Variants in KCNU1 observed in about 807,000 individuals in gnomAD.
KCNU1 encodes the protein potassium calcium-activated channel subfamily U member 1, also known as potassium channel subfamily U member 1.
Under a neutral mutation model 126.8 loss-of-function variants are expected in KCNU1, and 93 were observed. The observed-to-expected ratio is 0.73, with a 90% CI of 0.62 to 0.87. The LOEUF (loss-of-function observed/expected upper bound fraction) is 0.87. Ranked by LOEUF, KCNU1 falls within the 40% of genes least tolerant of loss-of-function variation. The probability of loss-of-function intolerance (pLI) is 0.00; values close to 1 mark genes in which losing one functional copy is unlikely to be tolerated. For missense variants in KCNU1, 1,330 were observed against 1,367.1 expected (o/e 0.97, Z 0.43); for synonymous variants, 523 against 494.2 (o/e 1.06, Z -0.77).
chr8:36,871,741 T>C (rs1806111146), intron 19 of KCNU1, among the ~76,000 whole-genome samples: 1 of 152,162 alleles, frequency 6.6e-6, no homozygotes, highest in Admixed American at 6.6e-5. Context: ...GGCTGGGTGC[T>C]AAGATGAGGA....
intron 12 of KCNU1, among the ~76,000 whole-genome samples, chr8:36,835,497 A>G (rs1376776472): frequency 6.6e-6 from 1 of 151,938 alleles, no homozygotes; most frequent in African/African-American, 2.4e-5. Flanking sequence ...ATGTGCCACC[A>G]CGCCAGACTA....
intron 24 of KCNU1, among the ~76,000 whole-genome samples, chr8:36,924,084 A>G (rs1457032524): frequency 6.6e-6 from 1 of 152,202 alleles, no homozygotes; most frequent in East Asian, 1.9e-4. Flanking sequence ...TCTACAGAGT[A>G]CACCCCAGGG....
chr8:36,897,388 T>G (rs1807239362), intron 19 of KCNU1, among the ~76,000 whole-genome samples: 1 of 152,138 alleles, frequency 6.6e-6, no homozygotes, highest in East Asian at 1.9e-4. Flanking sequence ...TACAAGGAAA[T>G]AAATGACTTC....
Position 36,799,084 on chromosome 8 carries a change from C to T in KCNU1, c.316-4943C>T, listed in dbSNP as rs578161304. 2.0e-5 allele frequency among the ~76,000 whole-genome samples: 3 copies of T among 152,206 alleles called. 1 individual carries two copies. The highest frequency in any genetic ancestry group is 4.1e-4 in the South Asian group (2 of 4,822). On this transcript the variant is annotated intron_variant, in intron 2 of 26. Coordinates refer to ENST00000399881, the MANE Select transcript of KCNU1 (RefSeq NM_001031836.3). ...GCAGAAGCTCACAGTTAGTTATGCCCGTGTTCCTCTTTCTGCCTTTCTGAT... is the reference window on the plus strand; with the variant it reads ...GCAGAAGCTCACAGTTAGTTATGCCTGTGTTCCTCTTTCTGCCTTTCTGAT...
chr8:36,928,337 C>A (rs1808594341), intron 24 of KCNU1, among the ~76,000 whole-genome samples: 1 of 152,044 alleles, frequency 6.6e-6, no homozygotes, highest in East Asian at 1.9e-4. Flanking sequence ...ATTCTAATGG[C>A]ATTATGTTCG....
chr8:36,847,378 C>T (rs1403908897), intron 18 of KCNU1, among the ~76,000 whole-genome samples: 2 of 152,052 alleles, frequency 1.3e-5, no homozygotes, highest in African/African-American at 2.4e-5. Context: ...CATTCAAAAT[C>T]CTCCCTTTTA....
At chr8:36,905,604 T>C (rs1807593022) in intron 19 of KCNU1, 104 bp from the exon 20 acceptor site, 5 of 742,858 alleles carry the variant, frequency 6.7e-6, no homozygotes, top group Middle Eastern at 4.8e-4. Context: ...CTACTTATGC[T>C]ATTCTCCTCT....
At chr8:36,894,427 G>A (rs141914808) in intron 19 of KCNU1, among the ~76,000 whole-genome samples, 22 of 152,216 alleles carry the variant, frequency 1.4e-4, no homozygotes, top group African/African-American at 5.3e-4. Flanking sequence ...CAATTAAATT[G>A]TGTTTGATTG....
In KCNU1 at chr8:36,784,458, A is replaced by G; in HGVS notation, c.48A>G (p.Lys16=). 6.2e-7 allele frequency: 1 copy of G among 1,613,692 alleles called. No individual in the cohort carries two copies. The highest frequency in any genetic ancestry group is 8.5e-7 in the Non-Finnish European group (1 of 1,179,784). ...ATGAAACTTGGGAAGACTTGCCAAA[A>G]ATGTCCTGCACAACTGAGATCCAAG... ...LRNETWEDLP[K]MSCTTEIQAA... is the part of the protein sequence containing the mutation. Residue 16 remains lysine (K), a synonymous_variant, in exon 1 of 27, where the codon AAA becomes AAG. Coordinates refer to ENST00000399881, the MANE Select transcript of KCNU1 (RefSeq NM_001031836.3).
intron 19 of KCNU1, among the ~76,000 whole-genome samples, chr8:36,899,313 T>G (rs1807324147): frequency 1.3e-5 from 2 of 151,916 alleles, no homozygotes; most frequent in Admixed American, 1.3e-4. Context: ...TTCGTGGAGA[T>G]TTTAGATTGT....
chr8:36,844,781 A>G (rs1352843845), intron 16 of KCNU1, among the ~76,000 whole-genome samples: 1 of 152,196 alleles, frequency 6.6e-6, no homozygotes, highest in African/African-American at 2.4e-5. Flanking sequence ...AGGAAAGGAG[A>G]ACTTCCGTTC....
chr8:36,895,328 C>T (rs1807145693), intron 19 of KCNU1, among the ~76,000 whole-genome samples: 1 of 152,072 alleles, frequency 6.6e-6, no homozygotes, highest in Non-Finnish European at 1.5e-5. Flanking sequence ...ATCTGCCCCC[C>T]TCAGCCTCCC....
chr8:36,913,180 T>G (rs1166887247), intron 22 of KCNU1, among the ~76,000 whole-genome samples: 4 of 152,070 alleles, frequency 2.6e-5, no homozygotes, highest in Non-Finnish European at 4.4e-5. Context: ...CTAGTGATTT[T>G]CCTACTTTAT....
rs1806294419 is a variant in KCNU1, at chr8:36,876,830, C to T, written c.2009+12309C>T. On this transcript the variant is annotated intron_variant, in intron 19 of 26. Coordinates refer to ENST00000399881, the MANE Select transcript of KCNU1 (RefSeq NM_001031836.3). ...CAGGGGATAAGAGGCTTCTTCAAAC[C>T]CTTGTCTAATAATATACGCCCTGGC... Among the ~76,000 whole-genome samples, 5 of 152,076 alleles carry T rather than the reference C, an allele frequency of 3.3e-5. No homozygotes were observed. The South Asian group carries it at 1.0e-3, about 32-fold the overall frequency.
intron 18 of KCNU1, among the ~76,000 whole-genome samples, chr8:36,861,869 G>T (rs977180134): frequency 6.6e-6 from 1 of 152,136 alleles, no homozygotes; most frequent in Non-Finnish European, 1.5e-5. Context: ...GGAAAGATTT[G>T]CTTGTTGCTT....
intron 19 of KCNU1, among the ~76,000 whole-genome samples, chr8:36,892,503 C>A (rs1471107434): frequency 8.9e-6 from 1 of 112,332 alleles, no homozygotes; most frequent in East Asian, 3.3e-4. Context: ...CCCCCACCCC[C>A]CACCAGGTAT....
At chr8:36,836,521 A>C (rs553425135) in intron 13 of KCNU1, among the ~76,000 whole-genome samples, 156 bp downstream of exon 13, 9 of 152,264 alleles carry the variant, frequency 5.9e-5, no homozygotes, top group South Asian at 2.1e-4. Flanking sequence ...AACAATGTAA[A>C]TTGGGGGCAG....
chr8:36,862,037 T>A (rs1332607079), intron 18 of KCNU1, among the ~76,000 whole-genome samples: 2 of 152,166 alleles, frequency 1.3e-5, no homozygotes, highest in African/African-American at 4.8e-5. Flanking sequence ...TCCAGTGCTT[T>A]ATCTAGAAAT....
intron 19 of KCNU1, among the ~76,000 whole-genome samples, chr8:36,872,976 G>A (rs376831643): frequency 5.3e-5 from 8 of 152,286 alleles, no homozygotes; most frequent in African/African-American, 1.7e-4. Flanking sequence ...CTACCCAGGA[G>A]GCTGAGGCAG....
Sources: gnomAD v4.1 joint callset for allele counts (sites outside exome capture counted in the v4.1 genomes callset) on GRCh38, gnomAD v4.1.1 for gene constraint, MANE v1.5 for transcripts, NCBI Gene and HGNC (gene_info 2026-07-23, HGNC 2026-07-21) for gene names.